DNAH14: variants seen among roughly 807,000 people sequenced by gnomAD.
DNAH14 encodes the protein axonemal beta dynein heavy chain 14.
In DNAH14, 478 loss-of-function variants were observed where a neutral mutation model predicts 520.9. The ratio of observed to expected loss-of-function variants is 0.92; its 90% CI spans 0.85 to 0.99. The LOEUF is 0.99. Ranked by LOEUF, DNAH14 falls within the 50% of genes least tolerant of loss-of-function variation. DNAH14 has a pLI of 0.00. For missense variants in DNAH14, 4,831 were observed against 5,234.5 expected (o/e 0.92, Z 2.38); for synonymous variants, 1,581 against 1,757.2 (o/e 0.90, Z 2.51).
intron 47 of DNAH14, 41 bp downstream of exon 47, chr1:225,264,302 A>C (rs1191234946): frequency 2.1e-6 from 3 of 1,403,230 alleles, no homozygotes; most frequent in Admixed American, 2.1e-5. Flanking sequence ...GCTATGTTTC[A>C]AAACTTCACA....
chr1:225,263,931 C>A (rs921006717), intron 46 of DNAH14, among the ~76,000 whole-genome samples: 1 of 152,004 alleles, frequency 6.6e-6, no homozygotes, highest in Non-Finnish European at 1.5e-5. Flanking sequence ...AAGGTAATGG[C>A]TTACTATCCA....
chr1:225,116,353 A>C (rs1177522762), intron 23 of DNAH14, among the ~76,000 whole-genome samples: 1 of 152,238 alleles, frequency 6.6e-6, no homozygotes, highest in African/African-American at 2.4e-5. Context: ...ATTGGGGGCA[A>C]TGAGAATAGA....
At chr1:225,381,744 T>C (rs1359392754) in intron 81 of DNAH14, among the ~76,000 whole-genome samples, 165 bp downstream of exon 81, 1 of 152,198 alleles carries the variant, frequency 6.6e-6, no homozygotes, top group African/African-American at 2.4e-5. Flanking sequence ...TTGGAATGCC[T>C]CTTAACAGTC....
At chr1:225,017,558 C>T (rs143254672) in intron 10 of DNAH14, among the ~76,000 whole-genome samples, 19 of 152,342 alleles carry the variant, frequency 1.2e-4, no homozygotes, top group Non-Finnish European at 2.4e-4. Flanking sequence ...ATGCTTCCCC[C>T]ATTGGAACAC....
At chr1:225,041,549 C>T (rs955246698) in intron 12 of DNAH14, among the ~76,000 whole-genome samples, 1 of 152,184 alleles carries the variant, frequency 6.6e-6, no homozygotes, top group Non-Finnish European at 1.5e-5. Flanking sequence ...TGAACTTCAG[C>T]CTTACCACAT....
In DNAH14 at chr1:225,360,800, A is replaced by G. The variant is rs777464313; in HGVS notation, c.11896A>G (p.Lys3966Glu). 2 of 1,551,722 alleles carry G rather than the reference A, an allele frequency of 1.3e-6. No homozygotes were observed. The highest frequency in any genetic ancestry group is 2.4e-5 in the South Asian group (2 of 84,066). Residue 3966 changes from lysine to glutamate, a missense_variant, in exon 75 of 86, where the codon AAG becomes GAG. Physicochemically the swap from Lys to Glu is moderately conservative, Grantham distance 56. Transcript: ENST00000682510. ...AGCTAAAGCTGAAGACCTCATTTTA[A>G]AGGCACTAACAAAAACACAACAATG... ...QAAKAEDLIL[K>E]ALTKTQQWVF...
chr1:225,105,872 T>C (rs539165220), intron 23 of DNAH14, among the ~76,000 whole-genome samples: 201 of 152,054 alleles, frequency 1.3e-3, no homozygotes, highest in African/African-American at 4.6e-3. Flanking sequence ...AATTGGAGCA[T>C]TTAGCCCATT....
intron 17 of DNAH14, among the ~76,000 whole-genome samples, chr1:225,066,149 G>C (rs2070858641): frequency 1.3e-5 from 2 of 151,950 alleles, no homozygotes; most frequent in Admixed American, 1.3e-4. Context: ...TTGGCCATTT[G>C]TATGTCTCCT....
chr1:224,945,651 C>T (rs71527015), intron 1 of DNAH14, among the ~76,000 whole-genome samples: 11 of 152,372 alleles, frequency 7.2e-5, no homozygotes, highest in East Asian at 1.9e-4. Flanking sequence ...ATGATGGTGA[C>T]GTACAGATGG....
chr1:225,266,815 A>C, intron 49 of DNAH14, 46 bp downstream of exon 49: 57 of 1,424,734 alleles, frequency 4.0e-5, no homozygotes, highest in Non-Finnish European at 5.1e-5. Flanking sequence ...ATTATTTCTC[A>C]CACTAAATTA....
intron 27 of DNAH14, among the ~76,000 whole-genome samples, chr1:225,133,489 T>G (rs2078642208): frequency 6.6e-6 from 1 of 152,238 alleles, no homozygotes; most frequent in South Asian, 2.1e-4. Context: ...GGAAATCCTT[T>G]CCCCGTTGCT....
At chr1:225,282,852 C>T (rs1047238453) in intron 54 of DNAH14, among the ~76,000 whole-genome samples, 2 of 152,094 alleles carry the variant, frequency 1.3e-5, no homozygotes, top group African/African-American at 4.8e-5. Context: ...AGTGAATCAT[C>T]CATTCGTGTG....
chr1:225,079,494 C>T lies in DNAH14; in HGVS notation c.2712C>T (p.Asn904=). The change falls in exon 18 of 86, where the codon AAC becomes AAT. Residue 904 remains asparagine, a synonymous_variant. Transcript: ENST00000682510. The stretch of plus-strand genomic sequence containing the variant: ...CTGCTATAACTAAATTCAGAGATAA[C>T]TTGGAAGCATGTATCAGTGGTCTAC... ...KDTAITKFRD[N]LEACISGLHV... 1.3e-6 allele frequency: 2 copies of T among 1,541,020 alleles called. No individual in the cohort carries two copies. Among genetic ancestry groups the T allele is most frequent in the Non-Finnish European group, 1.7e-6 (2 of 1,144,764 alleles).
Position 225,381,538 on chromosome 1 carries a change from T to TG in DNAH14, c.13036_13037insG (p.Phe4346CysfsTer2). ...CCTCACCCAAGAATTGGAGGAAATA[T>TG]TTAACTCTTTTCTTAATATGAGAGT... On this transcript the variant is annotated frameshift_variant, in exon 81 of 86. Coordinates refer to ENST00000682510, the MANE Select transcript of DNAH14 (RefSeq NM_001367479.1). LOFTEE classifies it high-confidence loss of function. 8 of 1,542,064 alleles carry TG rather than the reference T, an allele frequency of 5.2e-6. No homozygotes were observed. The highest frequency in any genetic ancestry group is 7.0e-6 in the Non-Finnish European group (8 of 1,144,482).
At chr1:225,282,292 C>T (rs1045655461) in intron 54 of DNAH14, among the ~76,000 whole-genome samples, 3 of 152,176 alleles carry the variant, frequency 2.0e-5, no homozygotes, top group Non-Finnish European at 4.4e-5. Flanking sequence ...TTGGGCCTGG[C>T]TGTGGTCTGG....
chr1:225,297,742 G>A (rs2094041857), intron 55 of DNAH14, among the ~76,000 whole-genome samples: 1 of 152,208 alleles, frequency 6.6e-6, no homozygotes, highest in Non-Finnish European at 1.5e-5. Context: ...CATGTCAAGG[G>A]CATGTGCATG....
chr1:225,353,947 A>G (rs3915578), intron 73 of DNAH14, 59 bp downstream of exon 73: 92,226 of 977,194 alleles, frequency 0.094, 5,695 homozygotes, highest in East Asian at 0.28. Context: ...TTTATTAGTA[A>G]CTTAAACCCT....
intron 73 of DNAH14, 190 bp downstream of exon 73, chr1:225,354,078 G>A: frequency 2.9e-6 from 2 of 697,154 alleles, no homozygotes; most frequent in Non-Finnish European, 5.3e-6. Context: ...TCCAATGTGA[G>A]TAACATTCCT....
At chr1:225,378,364 C>T (rs1420763443) in intron 79 of DNAH14, among the ~76,000 whole-genome samples, 1 of 152,058 alleles carries the variant, frequency 6.6e-6, no homozygotes, top group Non-Finnish European at 1.5e-5. Context: ...CACCTTTTGA[C>T]CTTTTGAATT....
Sources: allele counts gnomAD v4.1 joint callset (sites outside exome capture counted in the v4.1 genomes callset), GRCh38; gene constraint gnomAD v4.1.1; transcripts MANE v1.5; gene names NCBI Gene and HGNC (gene_info 2026-07-23, HGNC 2026-07-21).